The following ZFAND3 variants were observed in gnomAD, a reference collection of about 807,000 sequenced individuals.
ZFAND3 encodes the protein zinc finger AN1-type containing 3.
Under a neutral mutation model 29.6 loss-of-function variants are expected in ZFAND3, and 10 were observed. The observed-to-expected ratio is 0.34, with a 90% CI of 0.21 to 0.57. The LOEUF is 0.57. ZFAND3 is among the 20% of genes least tolerant of loss of function. ZFAND3 has a pLI of 0.86. For missense variants in ZFAND3, 230 were observed against 304.5 expected (o/e 0.76, Z 1.82); for synonymous variants, 128 against 112.6 (o/e 1.14, Z -0.87).
Position 37,900,303 on chromosome 6 carries a change from AAGTACTCTTTC to A in ZFAND3, c.72-29646_72-29636del, listed in dbSNP as rs1282829982. ...TGTGTTCTGAGAACATTACATAGCA[AAGTACTCTTTC>A]AGTACTCTTGAGAATTAGAAATTAC... On this transcript the variant is annotated intron_variant, in intron 1 of 5. Coordinates refer to ENST00000287218, the MANE Select transcript of ZFAND3 (RefSeq NM_021943.3). Among the ~76,000 whole-genome samples, 4 of 152,262 alleles carry A rather than the reference AAGTACTCTTTC, an allele frequency of 2.6e-5. No homozygotes were observed. In the East Asian group the frequency reaches 7.7e-4, roughly 29 times the overall value.
intron 2 of ZFAND3, among the ~76,000 whole-genome samples, chr6:37,962,321 T>C (rs1190572191): frequency 6.6e-6 from 1 of 152,064 alleles, no homozygotes; most frequent in East Asian, 1.9e-4. Flanking sequence ...AAAGAAAAAG[T>C]AACAATGAAG....
intron 1 of ZFAND3, among the ~76,000 whole-genome samples, chr6:37,885,526 C>G (rs975187780): frequency 6.6e-6 from 1 of 152,070 alleles, no homozygotes; most frequent in Non-Finnish European, 1.5e-5. Context: ...CGCCTGTAAT[C>G]CCAGCTACTT....
At chr6:37,893,310 A>G (rs567170101) in intron 1 of ZFAND3, among the ~76,000 whole-genome samples, 116 of 152,354 alleles carry the variant, frequency 7.6e-4, no homozygotes, top group African/African-American at 2.6e-3. Flanking sequence ...AATGTAATAC[A>G]TCAACAGAAT....
intron 2 of ZFAND3, among the ~76,000 whole-genome samples, chr6:37,939,145 G>A (rs1444235001): frequency 6.6e-6 from 1 of 152,152 alleles, no homozygotes; most frequent in African/African-American, 2.4e-5. Flanking sequence ...ACAACAAATT[G>A]CCATACACTT....
chr6:38,042,662 G>T (rs908535471), intron 2 of ZFAND3, among the ~76,000 whole-genome samples: 2 of 152,052 alleles, frequency 1.3e-5, no homozygotes, highest in African/African-American at 4.8e-5. Flanking sequence ...GTCATTATTG[G>T]CTCTCACAAG....
At chr6:37,853,475 G>A (rs1310154515) in intron 1 of ZFAND3, among the ~76,000 whole-genome samples, 1 of 150,778 alleles carries the variant, frequency 6.6e-6, no homozygotes, top group Non-Finnish European at 1.5e-5. Context: ...CATGACCCTG[G>A]ATTTCAGAAT....
intron 1 of ZFAND3, among the ~76,000 whole-genome samples, chr6:37,839,200 A>G (rs1764024131): frequency 7.5e-6 from 1 of 133,668 alleles, no homozygotes; most frequent in Non-Finnish European, 1.6e-5. Context: ...TTTTTTTTTG[A>G]GACAGAGTCT....
chr6:37,847,450 T>C (rs1764202320), intron 1 of ZFAND3, among the ~76,000 whole-genome samples: 1 of 152,102 alleles, frequency 6.6e-6, no homozygotes, highest in South Asian at 2.1e-4. Flanking sequence ...GGCATTTGCC[T>C]GTAATCCCAG....
chr6:37,947,917 T>TGAAG (rs1761930754), intron 2 of ZFAND3, among the ~76,000 whole-genome samples: 3 of 152,216 alleles, frequency 2.0e-5, no homozygotes, highest in Non-Finnish European at 4.4e-5. Context: ...TTTCCCTTCC[T>TGAAG]GGAGGATTTT....
chr6:37,906,573 G>A (rs1195036971), intron 1 of ZFAND3, among the ~76,000 whole-genome samples: 1 of 152,048 alleles, frequency 6.6e-6, no homozygotes, highest in African/African-American at 2.4e-5. Flanking sequence ...TAGGTCTTGT[G>A]GTAATTCTAT....
At chr6:37,962,617 C>T (rs566014559) in intron 2 of ZFAND3, among the ~76,000 whole-genome samples, 1 of 152,144 alleles carries the variant, frequency 6.6e-6, no homozygotes, top group South Asian at 2.1e-4. Context: ...AATCAGCACT[C>T]TGTAAAAACG....
intron 2 of ZFAND3, among the ~76,000 whole-genome samples, chr6:38,050,627 A>G (rs192203725): frequency 2.0e-5 from 3 of 152,094 alleles, no homozygotes; most frequent in East Asian, 3.9e-4. Flanking sequence ...CCATGATTCT[A>G]AGTTTCCTGA....
chr6:37,968,289 A>C (rs1335494516), intron 2 of ZFAND3, among the ~76,000 whole-genome samples: 1 of 151,922 alleles, frequency 6.6e-6, no homozygotes, highest in African/African-American at 2.4e-5. Flanking sequence ...GATGGGGGAA[A>C]AAAAGCGTTT....
chr6:37,890,522 T>G (rs1358730009), intron 1 of ZFAND3, among the ~76,000 whole-genome samples: 1 of 152,240 alleles, frequency 6.6e-6, no homozygotes. Context: ...GTGATCTGTA[T>G]TGTTCTACCT....
intron 1 of ZFAND3, among the ~76,000 whole-genome samples, chr6:37,826,638 A>G (rs1216404081): frequency 2.0e-5 from 3 of 152,014 alleles, no homozygotes; most frequent in Admixed American, 6.6e-5. Context: ...CTGTAGTCTC[A>G]GCTACTTGGG....
intron 1 of ZFAND3, among the ~76,000 whole-genome samples, chr6:37,886,923 G>C (rs1221823313): frequency 3.9e-5 from 6 of 152,214 alleles, no homozygotes; most frequent in Non-Finnish European, 8.8e-5. Context: ...TGAATTGCTT[G>C]ACCTTGGGAG....
chr6:37,974,075 A>G (rs1301595086), intron 2 of ZFAND3, among the ~76,000 whole-genome samples: 2 of 152,206 alleles, frequency 1.3e-5, no homozygotes, highest in African/African-American at 2.4e-5. Flanking sequence ...CTTTTGGCTA[A>G]TTCCCATACC....
At chr6:37,955,305 A>G (rs892332145) in intron 2 of ZFAND3, among the ~76,000 whole-genome samples, 20 of 152,150 alleles carry the variant, frequency 1.3e-4, no homozygotes, top group African/African-American at 4.1e-4. Flanking sequence ...AGTCCTCCAG[A>G]TCATCTTTAT....
At chr6:38,100,865 T>C (rs900936959) in intron 4 of ZFAND3, among the ~76,000 whole-genome samples, 2 of 152,242 alleles carry the variant, frequency 1.3e-5, no homozygotes, top group Admixed American at 6.5e-5. Flanking sequence ...CCTCTTTGTG[T>C]CTGTCTGTAT....
Sources: gnomAD v4.1 joint callset for allele counts (sites outside exome capture counted in the v4.1 genomes callset) on GRCh38, gnomAD v4.1.1 for gene constraint, MANE v1.5 for transcripts, NCBI Gene and HGNC (gene_info 2026-07-23, HGNC 2026-07-21) for gene names.